ST8SIA4: variants seen among roughly 807,000 people sequenced by gnomAD.
ST8SIA4 encodes the protein CMP-N-acetylneuraminate-poly-alpha-2,8-sialyltransferase.
Under a neutral mutation model 33.9 loss-of-function variants are expected in ST8SIA4, and 15 were observed. The ratio of observed to expected loss-of-function variants is 0.44; its 90% confidence interval spans 0.30 to 0.68. The LOEUF (loss-of-function observed/expected upper bound fraction) is 0.68. Ranked by LOEUF, ST8SIA4 falls within the 30% of genes least tolerant of loss-of-function variation. ST8SIA4 has a pLI of 0.10. For synonymous variants in ST8SIA4, 171 were observed against 151.2 expected (o/e 1.13, Z -0.96); for missense variants, 321 against 428.0 (o/e 0.75, Z 2.21).
chr5:100,894,758 A>T (rs939997705), intron 2 of ST8SIA4, among the ~76,000 whole-genome samples: 3 of 152,092 alleles, frequency 2.0e-5, no homozygotes, highest in Admixed American at 6.6e-5. Context: ...ACAAGAAGTG[A>T]GTAGGTAGAA....
chr5:100,814,064 G>GT (rs1430080460), intron 4 of ST8SIA4, among the ~76,000 whole-genome samples: 1 of 152,018 alleles, frequency 6.6e-6, no homozygotes, highest in Non-Finnish European at 1.5e-5. Context: ...CGAGGTTCAT[G>GT]TAACTATGGT....
chr5:100,862,479 A>G (rs551136162), intron 3 of ST8SIA4, among the ~76,000 whole-genome samples: 2 of 151,796 alleles, frequency 1.3e-5, no homozygotes, highest in African/African-American at 4.8e-5. Flanking sequence ...GCTCCCTCCT[A>G]TCTCCGCCTC....
Position 100,862,460 on chromosome 5 carries a change from G to A in ST8SIA4, c.504-6064C>T, listed in dbSNP as rs140112747. On this transcript the variant is annotated intron_variant, in intron 3 of 4. Transcript: ENST00000231461. Reference sequence around the variant, plus strand: ...GTCGCCCTGGCTGGAGTGCAGTGGCGGGATATCGGCTCCCTCCTATCTCCG... The same window carrying A: ...GTCGCCCTGGCTGGAGTGCAGTGGCAGGATATCGGCTCCCTCCTATCTCCG... 9.0e-3 allele frequency among the ~76,000 whole-genome samples: 1,362 copies of A among 152,026 alleles called. 11 individuals carry two copies. The highest frequency in any genetic ancestry group is 0.015 in the Non-Finnish European group (1,031 of 67,954).
chr5:100,856,689 G>T (rs1253435268), intron 3 of ST8SIA4, among the ~76,000 whole-genome samples: 6 of 152,102 alleles, frequency 3.9e-5, no homozygotes, highest in African/African-American at 1.4e-4. Flanking sequence ...CACACAATTT[G>T]AATTTGTAAT....
In ST8SIA4 at chr5:100,895,567, A is replaced by G. The variant is rs1561409903; in HGVS notation, c.245+87T>C. ...ATTTAAGTATTCATACTTAAACCAT[A>G]AATCCAGTGTTGAATACAAGTTTGC... On this transcript the variant is annotated intron_variant, in intron 2 of 4. Transcript: ENST00000231461. The G allele has an allele frequency of 1.3e-5, 17 of 1,291,566 alleles. 1 individual carries two copies. Among genetic ancestry groups the G allele is most frequent in the Admixed American group, 8.9e-5 (4 of 45,136 alleles). The allele number at this position is 1,291,566 out of a possible 1,614,324, so 80.0% of individuals were successfully genotyped here. A position where few individuals can be genotyped will look rare whatever the true frequency, so the allele number is the denominator to read the frequency against.
At chr5:100,897,744 A>T (rs529207019) in intron 1 of ST8SIA4, among the ~76,000 whole-genome samples, 5 of 152,360 alleles carry the variant, frequency 3.3e-5, no homozygotes, top group African/African-American at 1.2e-4. Context: ...TGAAATTCAT[A>T]ATTCTATAAA....
At chr5:100,889,567 C>A (rs2112476556) in intron 2 of ST8SIA4, among the ~76,000 whole-genome samples, 1 of 151,968 alleles carries the variant, frequency 6.6e-6, no homozygotes, top group East Asian at 1.9e-4. Flanking sequence ...AATGGACTTT[C>A]CAATAACAGC....
At chr5:100,884,645 T>C (rs1326542943) in intron 3 of ST8SIA4, among the ~76,000 whole-genome samples, 8 of 151,902 alleles carry the variant, frequency 5.3e-5, no homozygotes, top group Admixed American at 5.2e-4. Flanking sequence ...AACCTACTTA[T>C]TGGACACACA....
At chr5:100,817,034 C>T (rs560539048) in intron 4 of ST8SIA4, among the ~76,000 whole-genome samples, 10 of 151,022 alleles carry the variant, frequency 6.6e-5, no homozygotes, top group Non-Finnish European at 8.8e-5. Context: ...TCTCTGCCTC[C>T]CGGGTTGAAA....
intron 1 of ST8SIA4, among the ~76,000 whole-genome samples, chr5:100,896,040 GA>G (rs1278330042): frequency 5.9e-5 from 9 of 151,822 alleles, no homozygotes; most frequent in East Asian, 3.9e-4. Context: ...GGTACTTAAA[GA>G]AAAAAAATCA....
chr5:100,808,765 T>A lies in ST8SIA4; in HGVS notation c.*3082A>T, dbSNP rs1263907195. ...TATTCTTGCCATTAGCCTTCATTGATCTTGCTCTGTTTCCATAAAAAGGCC... is the reference window on the plus strand; with the variant it reads ...TATTCTTGCCATTAGCCTTCATTGAACTTGCTCTGTTTCCATAAAAAGGCC... On this transcript the variant is annotated 3_prime_UTR_variant, in exon 5 of 5. Coordinates refer to ENST00000231461, the MANE Select transcript of ST8SIA4 (RefSeq NM_005668.6). 1 of 152,686 alleles carries A rather than the reference T, an allele frequency of 6.5e-6. No homozygotes were observed. Among genetic ancestry groups the A allele is most frequent in the Non-Finnish European group, 1.5e-5 (1 of 68,048 alleles). 9.5% of individuals were successfully genotyped at this position (152,686 alleles called of 1,614,324 possible). A position where few individuals can be genotyped will look rare whatever the true frequency, so the allele number is the denominator to read the frequency against.
At chr5:100,850,954 C>CTTTTTTTTTTTTTTTTTTTTTTTTTTT (rs70987828) in intron 4 of ST8SIA4, among the ~76,000 whole-genome samples, 1 of 75,114 alleles carries the variant, frequency 1.3e-5, no homozygotes, top group Non-Finnish European at 2.5e-5. Context: ...TGTAACCATA[C>CTTTTTTTTTTTTTTTTTTTTTTTTTTT]TTTTTTTTTT....
chr5:100,879,712 T>C lies in ST8SIA4; in HGVS notation c.503+6631A>G, dbSNP rs900822848. ...ACTATATACTGTAAGTTTAAAAATA[T>C]GTTAATACGAGAAAACAAAGAGGCA... On this transcript the variant is annotated intron_variant, in intron 3 of 4. Coordinates refer to ENST00000231461, the MANE Select transcript of ST8SIA4 (RefSeq NM_005668.6). Among the ~76,000 whole-genome samples, 4 of 152,174 alleles carry C rather than the reference T, an allele frequency of 2.6e-5. No individual in the cohort carries two copies. The East Asian group carries it at 5.8e-4, about 22-fold the overall frequency.
intron 4 of ST8SIA4, among the ~76,000 whole-genome samples, chr5:100,831,578 A>G (rs1290006872): frequency 6.6e-6 from 1 of 152,040 alleles, no homozygotes; most frequent in Non-Finnish European, 1.5e-5. Flanking sequence ...CAATAAATGG[A>G]ATTATTATTA....
intron 1 of ST8SIA4, among the ~76,000 whole-genome samples, chr5:100,901,782 A>T (rs2112490252): frequency 6.6e-6 from 1 of 152,232 alleles, no homozygotes; most frequent in South Asian, 2.1e-4. Flanking sequence ...TTACCTAGGG[A>T]GCAGGAATAT....
At chr5:100,814,762 C>A (rs1323702559) in intron 4 of ST8SIA4, among the ~76,000 whole-genome samples, 1 of 151,786 alleles carries the variant, frequency 6.6e-6, no homozygotes, top group Non-Finnish European at 1.5e-5. Flanking sequence ...CGGTATTAAA[C>A]CAGTAACAAA....
At chr5:100,846,334 T>C (rs1751572196) in intron 4 of ST8SIA4, among the ~76,000 whole-genome samples, 1 of 151,982 alleles carries the variant, frequency 6.6e-6, no homozygotes, top group African/African-American at 2.4e-5. Flanking sequence ...TTTGCCCATT[T>C]TTATTCCCCA....
rs145027219 is a variant in ST8SIA4, at chr5:100,849,402, G to A, written c.797+6701C>T. ...ATTCTTCAAAATTCTCTACGTCAGT[G>A]TTCTTAGTTAGAATTGTTCAAATCC... is the stretch of plus-strand genomic sequence containing the variant. On this transcript the variant is annotated intron_variant, in intron 4 of 4. Coordinates refer to ENST00000231461, the MANE Select transcript of ST8SIA4 (RefSeq NM_005668.6). 2.3e-5 allele frequency: 23 copies of A among 985,318 alleles called. No homozygotes were observed. In the African/African-American group the frequency reaches 3.7e-4, roughly 16 times the overall value. 61.0% of individuals were successfully genotyped at this position (985,318 alleles called of 1,614,324 possible).
intron 4 of ST8SIA4, chr5:100,848,996 C>A (rs1407224001): frequency 2.7e-4 from 122 of 449,968 alleles, no homozygotes; most frequent in Non-Finnish European, 3.4e-4. Context: ...GTTGGGTTAA[C>A]TTAACTGTGG....
Sources: allele counts gnomAD v4.1 joint callset (sites outside exome capture counted in the v4.1 genomes callset), GRCh38; gene constraint gnomAD v4.1.1; transcripts MANE v1.5; gene names NCBI Gene and HGNC (gene_info 2026-07-23, HGNC 2026-07-21).